Variants in FUT8 observed in about 807,000 individuals in gnomAD.
The protein encoded by FUT8 is alpha-(1,6)-fucosyltransferase.
In FUT8, 29 loss-of-function variants were observed where a neutral mutation model predicts 71.3. That is an observed-to-expected ratio of 0.41 (90% CI 0.30 to 0.55). The LOEUF (loss-of-function observed/expected upper bound fraction) is 0.55, where lower values mean the gene tolerates loss of function less well. FUT8 is among the 20% of genes least tolerant of loss of function. The pLI is 0.34. For missense variants in FUT8, 544 were observed against 702.1 expected (o/e 0.77, Z 2.55); for synonymous variants, 254 against 239.3 (o/e 1.06, Z -0.57).
chr14:65,502,312 C>G (rs1294353426), intron 2 of FUT8, among the ~76,000 whole-genome samples: 1 of 151,780 alleles, frequency 6.6e-6, no homozygotes, highest in East Asian at 1.9e-4. Context: ...GCAATCTCCA[C>G]CCCCCAGGTT....
chr14:65,629,435 G>T, intron 5 of FUT8, 57 bp from the exon 6 acceptor site: 1 of 1,061,334 alleles, frequency 9.4e-7, no homozygotes. Context: ...AAGACTTTGT[G>T]TAATCCAGTG....
chr14:65,569,840 A>T (rs1886382415), intron 3 of FUT8, among the ~76,000 whole-genome samples: 1 of 151,984 alleles, frequency 6.6e-6, no homozygotes, highest in African/African-American at 2.4e-5. Flanking sequence ...TTAATATTTC[A>T]ATCCAGTACA....
chr14:65,491,862 TGTC>T (rs1367174236), intron 2 of FUT8, among the ~76,000 whole-genome samples: 1 of 152,164 alleles, frequency 6.6e-6, no homozygotes, highest in Non-Finnish European at 1.5e-5. Context: ...GTTAAAAACT[TGTC>T]ATCATCACAA....
At chr14:65,723,715 A>G (rs1895545188) in intron 8 of FUT8, among the ~76,000 whole-genome samples, 1 of 152,238 alleles carries the variant, frequency 6.6e-6, no homozygotes, top group Admixed American at 6.5e-5. Flanking sequence ...AACCCTTGGT[A>G]TCAGAACTTT....
chr14:65,520,701 T>C (rs1457840636), intron 2 of FUT8, among the ~76,000 whole-genome samples: 2 of 152,140 alleles, frequency 1.3e-5, no homozygotes, highest in African/African-American at 2.4e-5. Context: ...AAACTATGTC[T>C]ATGGTTCTGT....
chr14:65,672,110 C>T (rs1293411543), intron 7 of FUT8, among the ~76,000 whole-genome samples: 1 of 152,160 alleles, frequency 6.6e-6, no homozygotes, highest in Non-Finnish European at 1.5e-5. Context: ...TGGTTGGTGT[C>T]TATTTTTCTC....
chr14:65,705,161 G>GATAGAATTCATATGAC (rs71446307), intron 7 of FUT8, among the ~76,000 whole-genome samples: 6 of 151,964 alleles, frequency 3.9e-5, no homozygotes, highest in Non-Finnish European at 8.8e-5. Flanking sequence ...GTAGAGCAGT[G>GATAGAATTCATATGAC]ATAGAATTCA....
At chr14:65,488,865 G>A (rs1226692187) in intron 2 of FUT8, among the ~76,000 whole-genome samples, 2 of 152,074 alleles carry the variant, frequency 1.3e-5, no homozygotes, top group Non-Finnish European at 2.9e-5. Flanking sequence ...AGAAAAAGAG[G>A]TGAGTTTCCT....
At chr14:65,447,086 A>G (rs1015474696) in intron 1 of FUT8, among the ~76,000 whole-genome samples, 1 of 151,286 alleles carries the variant, frequency 6.6e-6, no homozygotes, top group South Asian at 2.1e-4. Context: ...ACCTTTCTTT[A>G]TTTTCATGTT....
intron 7 of FUT8, among the ~76,000 whole-genome samples, chr14:65,712,759 TC>T (rs1366347139): frequency 6.6e-6 from 1 of 152,186 alleles, no homozygotes; most frequent in Non-Finnish European, 1.5e-5. Context: ...TATAGTTTTT[TC>T]TTTTTAATTT....
At chr14:65,386,182 C>T in the FUT8 span, among the ~76,000 whole-genome samples, 3 of 151,392 alleles carry the variant, frequency 2.0e-5, no homozygotes, top group Non-Finnish European at 2.9e-5. Flanking sequence ...TGGTGCATGC[C>T]TGTAGTCCCA....
chr14:65,563,429 T>C (rs1886022962), intron 3 of FUT8, among the ~76,000 whole-genome samples: 1 of 152,020 alleles, frequency 6.6e-6, no homozygotes. Context: ...GGTCACACTT[T>C]TCACAAGTGG....
intron 3 of FUT8, among the ~76,000 whole-genome samples, chr14:65,609,687 A>T (rs890373327): frequency 3.3e-5 from 5 of 151,818 alleles, no homozygotes; most frequent in Admixed American, 6.6e-5. Flanking sequence ...AACTTTTTTT[A>T]AATTTTTTAA....
chr14:65,717,221 G>GAA (rs1895142561), intron 7 of FUT8, among the ~76,000 whole-genome samples: 10 of 107,456 alleles, frequency 9.3e-5, no homozygotes, highest in Admixed American at 1.8e-4. Context: ...CCTCCCAGAC[G>GAA]GGGCGGCCGG....
At chr14:65,646,521 G>A (rs1227596536) in intron 6 of FUT8, 1 of 152,170 alleles carries the variant, frequency 6.6e-6, no homozygotes, top group Non-Finnish European at 1.5e-5. Context: ...TCTCCTTAGA[G>A]CCTGCAGCAC....
chr14:65,570,777 T>A (rs1189866435), intron 3 of FUT8, among the ~76,000 whole-genome samples: 1 of 152,164 alleles, frequency 6.6e-6, no homozygotes. Flanking sequence ...TGAGAAGGAC[T>A]TTGTACTCTA....
At chr14:65,534,482 G>T (rs543340367) in intron 2 of FUT8, among the ~76,000 whole-genome samples, 1 of 150,480 alleles carries the variant, frequency 6.6e-6, no homozygotes, top group Non-Finnish European at 1.5e-5. Context: ...AGTAGGTATG[G>T]TACTAGCTCT....
At chr14:65,400,402 A>G in the FUT8 span, among the ~76,000 whole-genome samples, 22 of 152,342 alleles carry the variant, frequency 1.4e-4, no homozygotes, top group African/African-American at 5.3e-4. Flanking sequence ...ATGTACCACA[A>G]GTGGCAGAGA....
intron 1 of FUT8, among the ~76,000 whole-genome samples, chr14:65,430,561 T>C (rs889573676): frequency 6.6e-6 from 1 of 152,180 alleles, no homozygotes; most frequent in Non-Finnish European, 1.5e-5. Context: ...CGTCAGAAGA[T>C]ATAGCCATTT....
Sources: gnomAD v4.1 joint callset for allele counts (sites outside exome capture counted in the v4.1 genomes callset) on GRCh38, gnomAD v4.1.1 for gene constraint, MANE v1.5 for transcripts, NCBI Gene and HGNC (gene_info 2026-07-23, HGNC 2026-07-21) for gene names.